The following TEAD4 variants were observed in gnomAD, a reference collection of about 807,000 sequenced individuals.
TEAD4 encodes transcriptional enhancer factor TEF-3.
TEAD4 carries 36 observed loss-of-function variants against 52.4 expected under a neutral mutation model. That is an observed-to-expected ratio of 0.69 (90% CI 0.53 to 0.91). The LOEUF (loss-of-function observed/expected upper bound fraction) is 0.91, where lower values mean the gene tolerates loss of function less well. Among genes scored for constraint, TEAD4 ranks in the 40% least tolerant of loss-of-function variants. The pLI is 0.00. For missense variants in TEAD4, 508 were observed against 583.9 expected, an observed-to-expected ratio of 0.87 and a Z score of 1.34; for synonymous variants, 220 against 231.0, an observed-to-expected ratio of 0.95 and a Z score of 0.43.
chr12:2,971,618 G>GTA (rs1334385852), intron 2 of TEAD4, among the ~76,000 whole-genome samples: 1 of 150,276 alleles, frequency 6.7e-6, no homozygotes, highest in Non-Finnish European at 1.5e-5. Context: ...TGGGACTACA[G>GTA]GCACCCCCCA....
At chr12:3,001,500 G>T (rs748583797) in intron 3 of TEAD4, among the ~76,000 whole-genome samples, 1 of 152,202 alleles carries the variant, frequency 6.6e-6, no homozygotes, top group East Asian at 1.9e-4. Flanking sequence ...AGCCAGCCGC[G>T]GTGGCTCACG....
chr12:2,962,346 A>ATATTTTT (rs1350931012), intron 2 of TEAD4, among the ~76,000 whole-genome samples: 20 of 128,036 alleles, frequency 1.6e-4, no homozygotes, highest in South Asian at 1.4e-3. Context: ...ATATATATAT[A>ATATTTTT]TTTTTTGAGA....
chr12:3,013,096 C>G (rs531742590), intron 5 of TEAD4, among the ~76,000 whole-genome samples: 1 of 152,138 alleles, frequency 6.6e-6, no homozygotes, highest in Non-Finnish European at 1.5e-5. Context: ...GGACCACAGG[C>G]AAGTGCCACT....
chr12:3,034,235 G>A (rs1022478467), intron 10 of TEAD4, among the ~76,000 whole-genome samples: 2 of 152,162 alleles, frequency 1.3e-5, no homozygotes, highest in Non-Finnish European at 2.9e-5. Context: ...ACAGAAGAGT[G>A]TATCTGAGAT....
intron 10 of TEAD4, among the ~76,000 whole-genome samples, chr12:3,030,414 G>C (rs2098274798): frequency 6.6e-6 from 1 of 152,176 alleles, no homozygotes; most frequent in South Asian, 2.1e-4. Flanking sequence ...CTTTTTGTCA[G>C]TTCCTGGGGA....
intron 2 of TEAD4, chr12:2,960,407 C>G (rs1012780915): frequency 1.2e-4 from 115 of 975,262 alleles, no homozygotes; most frequent in Non-Finnish European, 1.4e-4. Context: ...CGGGGGACCC[C>G]TGCAAAAGGT....
rs1306878639 is a variant in TEAD4, at chr12:3,009,834, A to G, written c.227-1170A>G. ...CAGGCCAGCACACCTTTTCTGGCAG[A>G]CAGTACCTCTGGAGAGTAGCCTCGT... is the stretch of plus-strand genomic sequence containing the variant. On this transcript the variant is annotated intron_variant, in intron 3 of 12. Transcript: ENST00000359864. Among the ~76,000 whole-genome samples the G allele has an allele frequency of 3.3e-5, 5 of 152,232 alleles. No homozygotes were observed. The East Asian group carries it at 9.6e-4, about 29-fold the overall frequency.
intron 3 of TEAD4, among the ~76,000 whole-genome samples, chr12:3,009,511 A>G (rs932326653): frequency 6.6e-6 from 1 of 152,226 alleles, no homozygotes; most frequent in African/African-American, 2.4e-5. Context: ...CGTGCTCCCA[A>G]AGCTCATTGG....
intron 2 of TEAD4, among the ~76,000 whole-genome samples, chr12:2,989,600 A>G (rs569677869): frequency 6.0e-4 from 91 of 152,028 alleles, no homozygotes; most frequent in Non-Finnish European, 1.2e-3. Flanking sequence ...CACCACGCCC[A>G]GCTAATTTTT....
chr12:3,039,201 T>C (rs1486172824), intron 11 of TEAD4, among the ~76,000 whole-genome samples: 1 of 152,238 alleles, frequency 6.6e-6, no homozygotes, highest in Admixed American at 6.5e-5. Flanking sequence ...AACCCATTCA[T>C]CACCCCTCAG....
intron 2 of TEAD4, among the ~76,000 whole-genome samples, chr12:2,962,346 A>T (rs7980207): frequency 0.23 from 29,618 of 127,242 alleles, 5,781 homozygotes; most frequent in African/African-American, 0.5. Flanking sequence ...ATATATATAT[A>T]TTTTTTGAGA....
chr12:2,984,136 G>C (rs1267013943), intron 2 of TEAD4, among the ~76,000 whole-genome samples: 4 of 152,176 alleles, frequency 2.6e-5, no homozygotes, highest in Non-Finnish European at 5.9e-5. Flanking sequence ...GGGGCTTGGA[G>C]GTGGGTTCAA....
Position 3,001,695 on chromosome 12 carries a change from TGA to T in TEAD4, c.226+6704_226+6705del, listed in dbSNP as rs757637647. 7.9e-5 allele frequency among the ~76,000 whole-genome samples: 12 copies of T among 151,886 alleles called. 1 individual carries two copies. The highest frequency in any genetic ancestry group is 2.0e-4 in the Admixed American group (3 of 15,252). The stretch of plus-strand genomic sequence containing the variant: ...CAGGGGCTGAGGCAGGAGAATTGCT[TGA>T]ACCCGGGAGGCGGAGGTTTCAGTGA... On this transcript the variant is annotated intron_variant, in intron 3 of 12. Transcript: ENST00000359864.
chr12:2,979,069 C>T (rs2098232148), intron 2 of TEAD4, among the ~76,000 whole-genome samples: 1 of 152,070 alleles, frequency 6.6e-6, no homozygotes, highest in Admixed American at 6.5e-5. Context: ...GCACCTGCCA[C>T]CATGCCCGGC....
At chr12:2,999,015 G>A (rs370435483) in intron 3 of TEAD4, among the ~76,000 whole-genome samples, 3 of 152,342 alleles carry the variant, frequency 2.0e-5, no homozygotes, top group South Asian at 2.1e-4. Flanking sequence ...GCAGGACTGC[G>A]TGGGGACTGA....
intron 11 of TEAD4, among the ~76,000 whole-genome samples, chr12:3,038,986 T>A (rs1375797085): frequency 1.3e-5 from 2 of 152,148 alleles, no homozygotes; most frequent in South Asian, 4.1e-4. Context: ...CCAGTCTTCG[T>A]CCCTCTCCTC....
intron 2 of TEAD4, among the ~76,000 whole-genome samples, chr12:2,964,130 A>G (rs2098218218): frequency 6.6e-6 from 1 of 152,050 alleles, no homozygotes; most frequent in African/African-American, 2.4e-5. Context: ...GGGGCCGTTG[A>G]CTCAGTGTGA....
intron 10 of TEAD4, among the ~76,000 whole-genome samples, chr12:3,033,753 C>T (rs1490035563): frequency 6.6e-6 from 1 of 152,174 alleles, no homozygotes; most frequent in African/African-American, 2.4e-5. Context: ...GGGAGGGTTG[C>T]AAGGGGGCAC....
chr12:2,963,799 C>T (rs1468521170), intron 2 of TEAD4, among the ~76,000 whole-genome samples: 1 of 152,184 alleles, frequency 6.6e-6, no homozygotes, highest in Non-Finnish European at 1.5e-5. Context: ...CCACGTCCTC[C>T]TGCATTTAAT....
Sources: gnomAD v4.1 joint callset for allele counts (sites outside exome capture counted in the v4.1 genomes callset) on GRCh38, gnomAD v4.1.1 for gene constraint, MANE v1.5 for transcripts, NCBI Gene and HGNC (gene_info 2026-07-23, HGNC 2026-07-21) for gene names.